SLC39A9: variants seen among roughly 807,000 people sequenced by gnomAD.
SLC39A9 encodes zinc transporter ZIP9.
SLC39A9 carries 14 observed loss-of-function variants against 28.4 expected under a neutral mutation model. The ratio of observed to expected loss-of-function variants is 0.49; its 90% CI spans 0.33 to 0.77. The LOEUF is 0.77. Ranked by LOEUF, SLC39A9 falls within the 30% of genes least tolerant of loss-of-function variation. The pLI is 0.02. For missense variants in SLC39A9, 283 were observed against 381.1 expected (o/e 0.74, Z 2.14); for synonymous variants, 119 against 149.6 (o/e 0.80, Z 1.49).
At chr14:69,456,026 C>T (rs1198708135) in intron 6 of SLC39A9, among the ~76,000 whole-genome samples, 160 bp downstream of exon 6, 2 of 152,176 alleles carry the variant, frequency 1.3e-5, no homozygotes, top group Non-Finnish European at 2.9e-5. Flanking sequence ...CCAATGCGTC[C>T]TCTTCATATT....
At chr14:69,415,782 CCAGCCTTT>C (rs1291913740) in intron 1 of SLC39A9, among the ~76,000 whole-genome samples, 1 of 152,142 alleles carries the variant, frequency 6.6e-6, no homozygotes, top group Non-Finnish European at 1.5e-5. Flanking sequence ...GATGTTTCAA[CCAGCCTTT>C]CAGCTAAAAA....
Position 69,451,083 on chromosome 14 carries a change from TA to T in SLC39A9, c.404-2151del, listed in dbSNP as rs202244169. 2.9e-3 allele frequency among the ~76,000 whole-genome samples: 441 copies of T among 152,294 alleles called. 2 individuals carry two copies. Among genetic ancestry groups the T allele is most frequent in the African/African-American group, 0.01 (429 of 41,566 alleles). On this transcript the variant is annotated intron_variant, in intron 3 of 6. Coordinates refer to ENST00000336643, the MANE Select transcript of SLC39A9 (RefSeq NM_018375.5). ...TATAACTGGATGATAAGCCTTTGTA[TA>T]AAAAAAGGCCAGAGCCAGCTTGCAC...
chr14:69,458,843 G>T lies in SLC39A9; in HGVS notation c.*250G>T, dbSNP rs867864184. 1 of 1,233,784 alleles carries T rather than the reference G, an allele frequency of 8.1e-7. No individual in the cohort carries two copies. Among genetic ancestry groups the T allele is most frequent in the African/African-American group, 1.5e-5 (1 of 66,456 alleles). 76.4% of individuals were successfully genotyped at this position (1,233,784 alleles called of 1,614,324 possible). On this transcript the variant is annotated 3_prime_UTR_variant, in exon 7 of 7. Coordinates refer to ENST00000336643, the MANE Select transcript of SLC39A9 (RefSeq NM_018375.5). ...TTTTAAAAGGCCCTTGACATTTTGC[G>T]TTTTAATATTTCTCTTAACCCTATT... is the stretch of plus-strand genomic sequence containing the variant.
At chr14:69,457,598 G>A (rs1235111879) in intron 6 of SLC39A9, among the ~76,000 whole-genome samples, 1 of 152,172 alleles carries the variant, frequency 6.6e-6, no homozygotes, top group Non-Finnish European at 1.5e-5. Context: ...CATAGATGAT[G>A]CTTGTTAAAT....
chr14:69,433,417 G>A (rs1053571861), intron 2 of SLC39A9, among the ~76,000 whole-genome samples: 1 of 152,154 alleles, frequency 6.6e-6, no homozygotes, highest in African/African-American at 2.4e-5. Context: ...CAACATCTAT[G>A]TATGGTTTTA....
chr14:69,412,390 A>AAAAT (rs201794769), intron 1 of SLC39A9, among the ~76,000 whole-genome samples: 16,443 of 142,150 alleles, frequency 0.12, 1,189 homozygotes, highest in African/African-American at 0.21. Context: ...CTCCATCTCA[A>AAAAT]AAATAAATAA....
intron 1 of SLC39A9, among the ~76,000 whole-genome samples, chr14:69,414,029 C>T (rs1883431833): frequency 6.6e-6 from 1 of 151,074 alleles, no homozygotes; most frequent in South Asian, 2.1e-4. Context: ...TTGCACCAAA[C>T]TCCTGTTTAT....
intron 3 of SLC39A9, among the ~76,000 whole-genome samples, chr14:69,449,845 C>CTGTG (rs144331310): frequency 2.8e-4 from 42 of 150,060 alleles, no homozygotes; most frequent in Middle Eastern, 3.4e-3. Flanking sequence ...ACATCCTGCT[C>CTGTG]TGTGTGTGTG....
chr14:69,435,540 A>C (rs1195528934), intron 2 of SLC39A9, among the ~76,000 whole-genome samples: 1 of 152,228 alleles, frequency 6.6e-6, no homozygotes, highest in African/African-American at 2.4e-5. Context: ...ACGAGAGATT[A>C]GCAAACTTTT....
chr14:69,459,858 A>G lies in SLC39A9; in HGVS notation c.*1265A>G. On this transcript the variant is annotated 3_prime_UTR_variant, in exon 7 of 7. Coordinates refer to ENST00000336643, the MANE Select transcript of SLC39A9 (RefSeq NM_018375.5). ...TCTTATCAGGACAACCACTTCTCGA[A>G]CTGTAATAATGAAGATAATAATATC... 2 of 985,068 alleles carry G rather than the reference A, an allele frequency of 2.0e-6. No individual in the cohort carries two copies. Among genetic ancestry groups the G allele is most frequent in the Non-Finnish European group, 2.4e-6 (2 of 829,710 alleles). The allele number at this position is 985,068 out of a possible 1,614,324, so 61.0% of individuals were successfully genotyped here.
chr14:69,424,796 A>T (rs1884100143), intron 2 of SLC39A9, among the ~76,000 whole-genome samples: 2 of 152,134 alleles, frequency 1.3e-5, no homozygotes, highest in South Asian at 4.1e-4. Flanking sequence ...GCAAAATCCG[A>T]TTACTACATG....
chr14:69,420,904 T>G (rs1883850882), intron 1 of SLC39A9, among the ~76,000 whole-genome samples: 1 of 152,246 alleles, frequency 6.6e-6, no homozygotes, highest in African/African-American at 2.4e-5. Flanking sequence ...TAATCTTTTT[T>G]CAAGGTTTTA....
At chr14:69,435,291 C>T (rs954645156) in intron 2 of SLC39A9, among the ~76,000 whole-genome samples, 4 of 152,166 alleles carry the variant, frequency 2.6e-5, no homozygotes, top group African/African-American at 9.6e-5. Context: ...AATCATTGTG[C>T]AATATCCCTC....
intron 1 of SLC39A9, among the ~76,000 whole-genome samples, chr14:69,409,169 A>G (rs889967248): frequency 4.6e-5 from 7 of 152,256 alleles, no homozygotes; most frequent in Admixed American, 3.3e-4. Context: ...CTATTATCCA[A>G]CTGTTCAATT....
At position 69,442,064 on chromosome 14, in the gene SLC39A9, T is replaced by C; in HGVS notation, c.206-5T>C. 6 of 1,613,874 alleles carry C rather than the reference T, an allele frequency of 3.7e-6. No homozygotes were observed. The highest frequency in any genetic ancestry group is 2.2e-5 in the South Asian group (2 of 91,030). On this transcript the variant is annotated splice_region_variant and splice_polypyrimidine_tract_variant and intron_variant, in intron 2 of 6. Coordinates refer to ENST00000336643, the MANE Select transcript of SLC39A9 (RefSeq NM_018375.5). Reference sequence around the variant, plus strand: ...ATTTTCTCTTTATGGTTTATTCTGCTCTAGGAAAACACCACCAAGCAAGTG... The same window carrying C: ...ATTTTCTCTTTATGGTTTATTCTGCCCTAGGAAAACACCACCAAGCAAGTG...
Position 69,461,479 on chromosome 14 carries a change from A to C in SLC39A9, c.*2886A>C, listed in dbSNP as rs1262256283. On this transcript the variant is annotated 3_prime_UTR_variant, in exon 7 of 7. Transcript: ENST00000336643. Reference sequence around the variant, plus strand: ...GTTGGAAACAGTACTACCTACCTAGAGGTTATGTGTTTTCTCTTTCTCCCC... The same window carrying C: ...GTTGGAAACAGTACTACCTACCTAGCGGTTATGTGTTTTCTCTTTCTCCCC... 7.1e-7 allele frequency: 1 copy of C among 1,413,914 alleles called. No homozygotes were observed. Among genetic ancestry groups the C allele is most frequent in the East Asian group, 2.6e-5 (1 of 38,802 alleles). The allele number at this position is 1,413,914 out of a possible 1,614,324, so 87.6% of individuals were successfully genotyped here.
chr14:69,431,370 A>G (rs1431023123), intron 2 of SLC39A9, among the ~76,000 whole-genome samples: 2 of 151,044 alleles, frequency 1.3e-5, no homozygotes, highest in Non-Finnish European at 2.9e-5. Context: ...TCGTCTGTGA[A>G]TAGGGACAGC....
At chr14:69,442,878 G>C (rs1401778551) in intron 3 of SLC39A9, among the ~76,000 whole-genome samples, 1 of 152,142 alleles carries the variant, frequency 6.6e-6, no homozygotes, top group Admixed American at 6.5e-5. Flanking sequence ...ACATCTAGTT[G>C]ATTTTGGGTT....
At chr14:69,431,052 T>C (rs955789065) in intron 2 of SLC39A9, among the ~76,000 whole-genome samples, 3 of 152,216 alleles carry the variant, frequency 2.0e-5, no homozygotes, top group Admixed American at 1.3e-4. Context: ...GATTAATCTA[T>C]AAATTTGGGG....
Sources: gnomAD v4.1 joint callset for allele counts (sites outside exome capture counted in the v4.1 genomes callset) on GRCh38, gnomAD v4.1.1 for gene constraint, MANE v1.5 for transcripts, NCBI Gene and HGNC (gene_info 2026-07-23, HGNC 2026-07-21) for gene names.